PCYT1B: variants seen among roughly 807,000 people sequenced by gnomAD.
PCYT1B encodes phosphate cytidylyltransferase 1B, choline.
PCYT1B carries 10 observed loss-of-function variants against 26.4 expected under a neutral mutation model. The observed-to-expected ratio is 0.38, with a 90% CI of 0.23 to 0.64. The LOEUF is 0.64. PCYT1B is among the 30% of genes least tolerant of loss of function. The pLI is 0.56. For synonymous variants in PCYT1B, 131 were observed against 108.4 expected (o/e 1.21, Z -1.29); for missense variants, 161 against 292.7 (o/e 0.55, Z 3.28).
chrX:24,593,355 TTC>T (rs1173006005), intron 3 of PCYT1B, among the ~76,000 whole-genome samples: 2 of 110,085 alleles, frequency 1.8e-5, no homozygotes, highest in African/African-American at 6.6e-5. Context: ...CTTTGTTTCT[TTC>T]TTTCTTTCGT....
chrX:24,578,985 A>C (rs763428486), intron 6 of PCYT1B, among the ~76,000 whole-genome samples: 41 of 111,471 alleles, frequency 3.7e-4, no homozygotes, highest in African/African-American at 1.3e-3. Context: ...GAGAAAATAA[A>C]TACAAAGCGT....
intron 3 of PCYT1B, among the ~76,000 whole-genome samples, chrX:24,599,802 T>C (rs1191575988): frequency 2.7e-5 from 3 of 112,355 alleles, no homozygotes; most frequent in African/African-American, 9.7e-5. Context: ...TAGCTTGTTA[T>C]ATGTTTTGTA....
intron 5 of PCYT1B, among the ~76,000 whole-genome samples, chrX:24,582,925 A>T (rs1470156752): frequency 8.9e-6 from 1 of 112,159 alleles, no homozygotes; most frequent in African/African-American, 3.2e-5. Context: ...CCTCCTGCTA[A>T]GGAATCAGCA....
At chrX:24,635,118 G>T (rs1352081264) in intron 1 of PCYT1B, among the ~76,000 whole-genome samples, 1 of 112,346 alleles carries the variant, frequency 8.9e-6, no homozygotes, top group Admixed American at 9.5e-5. Flanking sequence ...ATGTTTCAAT[G>T]TTGTGAGTCA....
intron 1 of PCYT1B, among the ~76,000 whole-genome samples, chrX:24,663,276 G>T (rs1927064259): frequency 8.9e-6 from 1 of 112,375 alleles, no homozygotes; most frequent in South Asian, 3.7e-4. Flanking sequence ...TTTGCTGTCA[G>T]ATTTCTAGCT....
At position 24,579,385 on chromosome X, in the gene PCYT1B, A is replaced by G; in HGVS notation, c.639T>C (p.Tyr213=). 1 of 1,207,705 alleles carries G rather than the reference A, an allele frequency of 8.3e-7. No homozygotes were observed. The highest frequency in any genetic ancestry group is 1.1e-6 in the Non-Finnish European group (1 of 892,251). ...SDIITRIVRD[Y]DVYARRNLQR... ...GGAGGTTACGTCGGGCATAAACATC[A>G]TAGTCACGAACAATTCTGGTAATGA... Residue 213 remains tyrosine (Y), a synonymous_variant, in exon 6 of 8, where the codon TAT becomes TAC. Transcript: ENST00000379144.
In PCYT1B at chrX:24,587,322, G is replaced by A; in HGVS notation, c.487-3C>T. 1 of 1,163,361 alleles carries A rather than the reference G, an allele frequency of 8.6e-7. No individual in the cohort carries two copies. The highest frequency in any genetic ancestry group is 1.2e-6 in the Non-Finnish European group (1 of 851,731). On this transcript the variant is annotated splice_region_variant and splice_polypyrimidine_tract_variant and intron_variant, in intron 4 of 7. Transcript: ENST00000379144. ...TCATCATGAGCCACAAAGTCAATCTGTTGAAGAGAGAGAAGAGTGATGTCA... is the reference window on the plus strand; with the variant it reads ...TCATCATGAGCCACAAAGTCAATCTATTGAAGAGAGAGAAGAGTGATGTCA...
intron 1 of PCYT1B, among the ~76,000 whole-genome samples, chrX:24,633,004 G>T (rs1417010920): frequency 1.8e-4 from 20 of 110,194 alleles, no homozygotes; most frequent in African/African-American, 6.6e-4. Flanking sequence ...GAGGTCAGGA[G>T]TTCGAGACCA....
Position 24,558,612 on chromosome X carries a change from CAG to C in PCYT1B, c.*3679_*3680del, listed in dbSNP as rs748880366. On this transcript the variant is annotated 3_prime_UTR_variant, in exon 8 of 8. Coordinates refer to ENST00000379144, the MANE Select transcript of PCYT1B (RefSeq NM_004845.5). ...ATCCGTGCTCTTCCTGTCCCTCCCTCAGGGGGTGAAATAACAGTATCTAGTAG... is the reference window on the plus strand; with the variant it reads ...ATCCGTGCTCTTCCTGTCCCTCCCTCGGGGTGAAATAACAGTATCTAGTAG... 2.2e-4 allele frequency: 23 copies of C among 105,230 alleles called. No individual in the cohort carries two copies. Among genetic ancestry groups the C allele is most frequent in the African/African-American group, 7.0e-4 (20 of 28,708 alleles). The allele number at this position is 105,230 out of a possible 1,213,427, so 8.7% of individuals were successfully genotyped here. A position where few individuals can be genotyped will look rare whatever the true frequency, so the allele number is the denominator to read the frequency against.
intron 1 of PCYT1B, among the ~76,000 whole-genome samples, chrX:24,630,488 G>A (rs966879414): frequency 9.0e-6 from 1 of 111,209 alleles, no homozygotes; most frequent in Non-Finnish European, 1.9e-5. Context: ...CTAGAGATGG[G>A]GTTTCACCGT....
chrX:24,600,854 G>T (rs1296353997), intron 3 of PCYT1B, among the ~76,000 whole-genome samples: 1 of 108,123 alleles, frequency 9.2e-6, no homozygotes, highest in Non-Finnish European at 1.9e-5. Context: ...AATATACAGA[G>T]AGCCAGTCTT....
intron 1 of PCYT1B, among the ~76,000 whole-genome samples, chrX:24,641,026 C>T (rs994011206): frequency 5.0e-4 from 56 of 111,520 alleles, no homozygotes; most frequent in African/African-American, 1.8e-3. Context: ...CTCCGTCTCC[C>T]GGGTTCAAGC....
chrX:24,564,770 C>T (rs1401129276), intron 7 of PCYT1B, among the ~76,000 whole-genome samples: 1 of 111,333 alleles, frequency 9.0e-6, no homozygotes, highest in Non-Finnish European at 1.9e-5. Flanking sequence ...CCTCCCCCAG[C>T]CACTGGCAAC....
intron 7 of PCYT1B, among the ~76,000 whole-genome samples, chrX:24,564,920 C>T (rs1007794351): frequency 9.1e-6 from 1 of 110,441 alleles, no homozygotes; most frequent in Admixed American, 9.7e-5. Context: ...GTGGGAGGAA[C>T]GGGAATCAAG....
At chrX:24,613,950 C>CAAAAAAAAAAAAAAAAA (rs200062439) in intron 2 of PCYT1B, among the ~76,000 whole-genome samples, 3 of 77,213 alleles carry the variant, frequency 3.9e-5, no homozygotes, top group East Asian at 3.9e-4. Context: ...AACAACCTGT[C>CAAAAAAAAAAAAAAAAA]AAAAAAAAAA....
intron 7 of PCYT1B, among the ~76,000 whole-genome samples, chrX:24,563,296 A>G (rs1053788726): frequency 3.6e-5 from 4 of 112,046 alleles, no homozygotes; most frequent in Admixed American, 2.8e-4. Flanking sequence ...CTGCGATTGC[A>G]AACAGGGTGC....
Position 24,645,442 on chromosome X carries a change from G to A in PCYT1B, c.117+1547C>T, listed in dbSNP as rs141413653. On this transcript the variant is annotated intron_variant, in intron 1 of 7. Transcript: ENST00000379144. ...GCTGTGGCACAAGCCTGTAATCCCA[G>A]CTACTTGGGAGGCTGAGGCAGGAGG... Among the ~76,000 whole-genome samples the A allele has an allele frequency of 8.5e-4, 94 of 110,839 alleles. No homozygotes were observed. The East Asian group carries it at 0.022, about 26-fold the overall frequency.
At chrX:24,624,847 C>T in intron 1 of PCYT1B, among the ~76,000 whole-genome samples, 1 of 112,417 alleles carries the variant, frequency 8.9e-6, no homozygotes. Flanking sequence ...GCCAAGGATA[C>T]TATACTATTC....
intron 1 of PCYT1B, among the ~76,000 whole-genome samples, chrX:24,654,973 C>T (rs1252382801): frequency 1.8e-5 from 2 of 110,872 alleles, no homozygotes; most frequent in Non-Finnish European, 3.8e-5. Context: ...AATACTCTAC[C>T]ATACTAAGTA....
Sources: gnomAD v4.1 joint callset for allele counts (sites outside exome capture counted in the v4.1 genomes callset) on GRCh38, gnomAD v4.1.1 for gene constraint, MANE v1.5 for transcripts, NCBI Gene and HGNC (gene_info 2026-07-23, HGNC 2026-07-21) for gene names.